The following SP110 variants were observed in gnomAD, a reference collection of about 807,000 sequenced individuals.
SP110 encodes the protein SP110 nuclear body protein.
Under a neutral mutation model 92.7 loss-of-function variants are expected in SP110, and 62 were observed. The ratio of observed to expected loss-of-function variants is 0.67; its 90% confidence interval spans 0.55 to 0.83. The LOEUF is 0.83. Among genes scored for constraint, SP110 ranks in the 40% least tolerant of loss-of-function variants. SP110 has a pLI of 0.00. For synonymous variants in SP110, 273 were observed against 305.3 expected (o/e 0.89, Z 1.10); for missense variants, 793 against 863.9 (o/e 0.92, Z 1.03).
At chr2:230,171,842 C>T in intron 16 of SP110, 75 bp from the exon 17 acceptor site, 1 of 1,164,254 alleles carries the variant, frequency 8.6e-7, no homozygotes, top group Non-Finnish European at 1.3e-6. Context: ...TCTAGACATG[C>T]ACACGGATGG....
chr2:230,178,072 A>T, intron 13 of SP110, 85 bp downstream of exon 13: 1 of 841,062 alleles, frequency 1.2e-6, no homozygotes, highest in East Asian at 2.6e-5. Context: ...CCATTTCCTG[A>T]TCAATTACAC....
chr2:230,169,835 G>A (rs558410653), intron 18 of SP110, among the ~76,000 whole-genome samples: 113 of 152,292 alleles, frequency 7.4e-4, no homozygotes, highest in African/African-American at 2.6e-3. Context: ...AAGCCCACTC[G>A]CTGAGGAAGG....
chr2:230,202,541 T>G (rs746969547), intron 9 of SP110, 38 bp downstream of exon 9: 2 of 1,609,018 alleles, frequency 1.2e-6, no homozygotes, highest in East Asian at 2.2e-5. Flanking sequence ...CCTCCCACAC[T>G]GAGCCATTCA....
At chr2:230,179,462 G>C (rs937249880) in intron 12 of SP110, among the ~76,000 whole-genome samples, 1 of 148,662 alleles carries the variant, frequency 6.7e-6, no homozygotes, top group Admixed American at 6.7e-5. Flanking sequence ...AGATGAGAGC[G>C]TGGCCTTGGG....
intron 14 of SP110, 103 bp downstream of exon 14, chr2:230,177,435 G>T: frequency 8.3e-7 from 1 of 1,200,864 alleles, no homozygotes; most frequent in Non-Finnish European, 1.2e-6. Flanking sequence ...TATAAATCAT[G>T]CTGTTGAATC....
In SP110 at chr2:230,211,317, G is replaced by T. The variant is rs3769837; in HGVS notation, c.751+153C>A. Among the ~76,000 whole-genome samples, 118,601 of 152,036 alleles carry T rather than the reference G, an allele frequency of 0.78. 46,374 individuals carry two copies. Among genetic ancestry groups the T allele is most frequent in the Admixed American group, 0.84 (12,787 of 15,288 alleles). Reference sequence around the variant, plus strand: ...CATTCAGAGGTCGGGTCTCCTGCCTGTTCAAGCTCCCAAGTGCTGGGTGAA... The same window carrying T: ...CATTCAGAGGTCGGGTCTCCTGCCTTTTCAAGCTCCCAAGTGCTGGGTGAA... On this transcript the variant is annotated intron_variant, in intron 6 of 18. Transcript: ENST00000258381. This position sits in a 1 kb window ranked among gnomAD's most constrained non-coding sequence, Gnocchi z 4.2.
Position 230,183,634 on chromosome 2 carries a change from T to C in SP110, c.1286A>G (p.Lys429Arg), listed in dbSNP as rs751347896. ...GCTTGAACAGATATCTTTCTCCTTT[T>C]TCTTTTCTAAACACAGAATTAATAA... The part of the protein sequence containing the change: ...CARKSRLKEK[K>R]KEKDICSSSK... Residue 429 changes from lysine (K) to arginine (R), a missense_variant, in exon 12 of 19, where the codon AAA (lysine) becomes AGA (arginine). Physicochemically the swap from Lys to Arg is conservative, Grantham distance 26 (BLOSUM62 2). Coordinates refer to ENST00000258381, the MANE Select transcript of SP110 (RefSeq NM_080424.4). 12 of 1,548,732 alleles carry C rather than the reference T, an allele frequency of 7.7e-6. No individual in the cohort carries two copies. Among genetic ancestry groups the C allele is most frequent in the Non-Finnish European group, 9.8e-6 (11 of 1,120,342 alleles).
chr2:230,195,859 A>T (rs1456809429), intron 10 of SP110, among the ~76,000 whole-genome samples: 1 of 152,228 alleles, frequency 6.6e-6, no homozygotes, highest in Non-Finnish European at 1.5e-5. Flanking sequence ...AAATTTAAAT[A>T]TACATAGCAT....
At chr2:230,216,417 C>T (rs919323104) in intron 2 of SP110, among the ~76,000 whole-genome samples, 1 of 152,140 alleles carries the variant, frequency 6.6e-6, no homozygotes, top group East Asian at 1.9e-4. Flanking sequence ...TAAGGATTTC[C>T]AACAGCTACC....
Position 230,211,678 on chromosome 2 carries a change from A to G in SP110, c.668-125T>C. ...GGGTAACAGCAACCAAGGCCTGGGA[A>G]AGGATGGCATAGAGTGGGAAAGTAA... On this transcript the variant is annotated intron_variant, in intron 5 of 18. Transcript: ENST00000258381. This position sits in a 1 kb window ranked among gnomAD's most constrained non-coding sequence, Gnocchi z 4.2. 1.4e-6 allele frequency: 1 copy of G among 713,948 alleles called. No individual in the cohort carries two copies. Among genetic ancestry groups the G allele is most frequent in the East Asian group, 2.6e-5 (1 of 38,284 alleles). 44.2% of individuals were successfully genotyped at this position (713,948 alleles called of 1,614,324 possible). A position where few individuals can be genotyped will look rare whatever the true frequency, so the allele number is the denominator to read the frequency against.
chr2:230,221,923 A>C (rs575500051), upstream of SP110: 54 of 612,492 alleles, frequency 8.8e-5, no homozygotes, highest in African/African-American at 9.2e-4. Flanking sequence ...AAAGATGTTT[A>C]TTCTAAGCCA....
intron 10 of SP110, among the ~76,000 whole-genome samples, chr2:230,190,167 C>A (rs980827516): frequency 6.6e-6 from 1 of 152,206 alleles, no homozygotes; most frequent in Non-Finnish European, 1.5e-5. Context: ...TACACTCCCA[C>A]CAACAGTGTA....
intron 9 of SP110, 140 bp downstream of exon 9, chr2:230,202,439 T>A (rs2043275104): frequency 1.3e-6 from 1 of 761,790 alleles, no homozygotes; most frequent in Non-Finnish European, 2.2e-6. Context: ...TCTTTGTTCC[T>A]CTTGTTATAC....
intron 17 of SP110, 149 bp from the exon 18 acceptor site, chr2:230,170,910 A>G: frequency 1.3e-6 from 1 of 757,822 alleles, no homozygotes; most frequent in East Asian, 2.7e-5. Flanking sequence ...TAGGCACTAG[A>G]TAAACTAAAT....
At chr2:230,210,868 C>A (rs1018607370) in intron 6 of SP110, among the ~76,000 whole-genome samples, 1 of 152,204 alleles carries the variant, frequency 6.6e-6, no homozygotes, top group Non-Finnish European at 1.5e-5. Context: ...ATAATATCAA[C>A]TCTTAAACTC....
At chr2:230,200,135 T>A (rs1009908910) in intron 10 of SP110, among the ~76,000 whole-genome samples, 2 of 152,136 alleles carry the variant, frequency 1.3e-5, no homozygotes, top group Admixed American at 1.3e-4. Flanking sequence ...TAATTTAGAT[T>A]TTAAGGTGGT....
chr2:230,190,389 T>C (rs777042685), intron 10 of SP110, among the ~76,000 whole-genome samples: 6 of 152,208 alleles, frequency 3.9e-5, no homozygotes, highest in Non-Finnish European at 8.8e-5. Context: ...CTTTGCCCAT[T>C]TTTTGATGGA....
chr2:230,213,997 G>A (rs1354097970), intron 3 of SP110: 2 of 152,246 alleles, frequency 1.3e-5, no homozygotes, highest in African/African-American at 4.8e-5. Context: ...GAGAGCAAAG[G>A]AGGAACTGTC....
chr2:230,194,238 C>T (rs1896258), intron 10 of SP110, among the ~76,000 whole-genome samples: 116,160 of 151,956 alleles, frequency 0.76, 44,528 homozygotes, highest in Admixed American at 0.83. Context: ...CATAAAGGTA[C>T]AGAATCCAAG....
Sources: gnomAD v4.1 joint callset for allele counts (sites outside exome capture counted in the v4.1 genomes callset) on GRCh38, gnomAD v4.1.1 for gene constraint, Gnocchi (gnomAD v3.1) non-coding constraint, MANE v1.5 for transcripts, NCBI Gene and HGNC (gene_info 2026-07-23, HGNC 2026-07-21) for gene names.